Variants in IL9R observed in about 807,000 individuals in gnomAD.
IL9R encodes the protein interleukin-9 receptor.
In IL9R, 54 loss-of-function variants were observed where a neutral mutation model predicts 56.3. The observed-to-expected ratio is 0.96, with a 90% CI of 0.77 to 1.20. The LOEUF is 1.20. Ranked by LOEUF, IL9R falls within the 50% of genes most tolerant of loss-of-function variation. IL9R has a pLI of 0.00. For synonymous variants in IL9R, 212 were observed against 250.2 expected (o/e 0.85, Z 1.44); for missense variants, 545 against 629.8 (o/e 0.87, Z 1.44).
At chrX:156,001,519 C>A in intron 1 of IL9R, 1 of 1,569,030 alleles carries the variant, frequency 6.4e-7, no homozygotes, top group Non-Finnish European at 8.8e-7. Context: ...GTGAGGCTTC[C>A]TGATCATCAG....
chrX:156,006,685 A>T (rs1347265833), intron 7 of IL9R, among the ~76,000 whole-genome samples: 1 of 151,838 alleles, frequency 6.6e-6, no homozygotes, highest in African/African-American at 2.4e-5. Context: ...GTTACAAGAC[A>T]GGGTGCAGGG....
intron 1 of IL9R, chrX:156,001,490 C>G (rs750868989): frequency 1.2e-6 from 2 of 1,608,370 alleles, no homozygotes; most frequent in South Asian, 2.2e-5. Flanking sequence ...CCAGGCTGCA[C>G]GCTCCATTCT....
chrX:156,009,236 CGTGTGGTGTGTGTGTCT>C lies in IL9R; in HGVS notation c.973-574_973-558del, dbSNP rs1268286719. Among the ~76,000 whole-genome samples the C allele has an allele frequency of 8.4e-4, 112 of 133,852 alleles. 3 individuals carry two copies. The highest frequency in any genetic ancestry group is 1.5e-3 in the Non-Finnish European group (97 of 62,896). 87.8% of individuals were successfully genotyped at this position (133,852 alleles called of 152,430 possible). ...GTGTGTTTATGTGTCTGTGTGTGTT[CGTGTGGTGTGTGTGTCT>C]GTGTGTGTGTGTTTGTGTGTGTATG... On this transcript the variant is annotated intron_variant, in intron 8 of 8. Coordinates refer to ENST00000244174, the MANE Select transcript of IL9R (RefSeq NM_002186.3).
At chrX:156,000,479 G>A (rs1171571172) in intron 1 of IL9R, among the ~76,000 whole-genome samples, 1 of 152,198 alleles carries the variant, frequency 6.6e-6, no homozygotes, top group African/African-American at 2.4e-5. Context: ...TGGGCTGAAG[G>A]CTATGTCCAC....
rs747601980 is a variant in IL9R, at chrX:156,003,655, T to A, written c.255-22T>A. 5.0e-6 allele frequency: 8 copies of A among 1,612,228 alleles called. No individual in the cohort carries two copies. In the South Asian group the frequency reaches 8.8e-5, roughly 18 times the overall value. On this transcript the variant is annotated intron_variant, in intron 3 of 8. Transcript: ENST00000244174. ...CCAGGACAGTGTAGCAGCCCCGTGG[T>A]GCTGACAAATGCCCTTTCCAGCAAC...
chrX:156,005,167 CAA>C, intron 5 of IL9R, 109 bp from the exon 6 acceptor site: 1 of 808,722 alleles, frequency 1.2e-6, no homozygotes, highest in Non-Finnish European at 2.1e-6. Context: ...TGTGTTAACA[CAA>C]GTGTGTTCAA....
chrX:156,006,171 G>A lies in IL9R; in HGVS notation c.870G>A (p.Leu290=), dbSNP rs2083627604. 1 of 1,391,716 alleles carries A rather than the reference G, an allele frequency of 7.2e-7. No homozygotes were observed. Among genetic ancestry groups the A allele is most frequent in the Non-Finnish European group, 1.0e-6 (1 of 981,738 alleles). The allele number at this position is 1,391,716 out of a possible 1,614,324, so 86.2% of individuals were successfully genotyped here. Residue 290 remains leucine, a synonymous_variant, in exon 7 of 9, where the codon CTG becomes CTA. Transcript: ENST00000244174. Reference sequence around the variant, plus strand: ...TGCTGACTGGCCCGACCTACCTCCTGTTCAAGCTGTCGCCCAGGTAGGTGG... The same window carrying A: ...TGCTGACTGGCCCGACCTACCTCCTATTCAAGCTGTCGCCCAGGTAGGTGG... ...FLLLTGPTYL[L]FKLSPRVKRI...
intron 1 of IL9R, among the ~76,000 whole-genome samples, chrX:156,001,096 T>G (rs2067490680): frequency 6.6e-6 from 1 of 152,092 alleles, no homozygotes; most frequent in Admixed American, 6.5e-5. Context: ...AGCTCTCAGG[T>G]GTCACATGTG....
At position 156,004,570 on chromosome X, in the gene IL9R, C is replaced by G. The variant is rs377005229; in HGVS notation, c.579+5C>G. On this transcript the variant is annotated splice_donor_5th_base_variant and intron_variant, in intron 5 of 8. Transcript: ENST00000244174. ...AAGCAGGAAGAGGCCTGGGAGGTAACACTTTGGCTGGCTTTCCCTGGGGGC... is the reference window on the plus strand; with the variant it reads ...AAGCAGGAAGAGGCCTGGGAGGTAAGACTTTGGCTGGCTTTCCCTGGGGGC... 44 of 1,612,078 alleles carry G rather than the reference C, an allele frequency of 2.7e-5. No individual in the cohort carries two copies. The African/African-American group carries it at 5.7e-4, about 21-fold the overall frequency.
intron 2 of IL9R, 72 bp from the exon 3 acceptor site, chrX:156,003,377 T>A (rs2067672183): frequency 2.8e-6 from 3 of 1,070,556 alleles, no homozygotes; most frequent in Non-Finnish European, 4.4e-6. Flanking sequence ...AGCTGTCAGA[T>A]CCTCCCCAAC....
In IL9R at chrX:156,009,352, CGT is replaced by C. The variant is rs1278501905; in HGVS notation, c.973-453_973-452del. ...TGTGTGTGTTTGTGTGTGTGTGTCT[CGT>C]GTGTGTGTGTCTGTGTGTATCTGTG... On this transcript the variant is annotated intron_variant, in intron 8 of 8. Coordinates refer to ENST00000244174, the MANE Select transcript of IL9R (RefSeq NM_002186.3). Among the ~76,000 whole-genome samples the C allele has an allele frequency of 7.8e-3, 696 of 89,072 alleles. 1 individual carries two copies. Among genetic ancestry groups the C allele is most frequent in the African/African-American group, 0.028 (606 of 21,512 alleles). The allele number at this position is 89,072 out of a possible 152,430, so 58.4% of individuals were successfully genotyped here.
intron 5 of IL9R, 90 bp from the exon 6 acceptor site, chrX:156,005,188 T>C (rs1224663505): frequency 3.2e-5 from 31 of 978,402 alleles, no homozygotes; most frequent in South Asian, 1.1e-4. Flanking sequence ...AAGAGTGTGT[T>C]ATATGAGCAT....
intron 4 of IL9R, chrX:156,004,108 C>T: frequency 1.7e-6 from 1 of 602,862 alleles, no homozygotes; most frequent in Non-Finnish European, 2.9e-6. Flanking sequence ...GCACTTGAGT[C>T]ATGTGAAATG....
chrX:156,001,437 T>A lies in IL9R; in HGVS notation c.29-1469T>A, dbSNP rs775306024. ...TGCTGCAAGAACGGACAGACACTGC[T>A]GCAGAGAACTTGCCACGGTGTTTCA... On this transcript the variant is annotated intron_variant, in intron 1 of 8. Coordinates refer to ENST00000244174, the MANE Select transcript of IL9R (RefSeq NM_002186.3). 5 of 1,611,132 alleles carry A rather than the reference T, an allele frequency of 3.1e-6. No homozygotes were observed. The South Asian group carries it at 5.5e-5, about 18-fold the overall frequency.
chrX:156,003,950 C>A, intron 4 of IL9R, 95 bp downstream of exon 4: 1 of 1,288,444 alleles, frequency 7.8e-7, no homozygotes, highest in Non-Finnish European at 1.1e-6. Context: ...CTGTGAGTGG[C>A]CCAGTGAGTG....
intron 5 of IL9R, 48 bp from the exon 6 acceptor site, chrX:156,005,230 G>A (rs1356702815): frequency 6.6e-7 from 1 of 1,505,620 alleles, no homozygotes; most frequent in Non-Finnish European, 9.2e-7. Flanking sequence ...GAGGGCTGAG[G>A]GACCCAGCCC....
Position 156,010,314 on chromosome X carries a change from C to T in IL9R, c.1471C>T (p.Leu491=). The change falls in exon 9 of 9, where the codon CTG becomes TTG. Residue 491 remains leucine (L), a synonymous_variant. Transcript: ENST00000244174. ...GACCCAGCAAGGAGTTGCCTGGGTG[C>T]TGGCTGGTCACTGCCAGAGGCCTGG... The part of the protein sequence containing the change: ...LETQQGVAWV[L]AGHCQRPGLH... 4 of 834,040 alleles carry T rather than the reference C, an allele frequency of 4.8e-6. No homozygotes were observed. In the South Asian group the frequency reaches 5.2e-5, roughly 11 times the overall value. The allele number at this position is 834,040 out of a possible 1,614,324, so 51.7% of individuals were successfully genotyped here.
At chrX:156,003,988 G>A (rs2067728933) in intron 4 of IL9R, 133 bp downstream of exon 4, 1 of 961,704 alleles carries the variant, frequency 1.0e-6, no homozygotes, top group Non-Finnish European at 1.6e-6. Flanking sequence ...GTGAGATCCA[G>A]GGCTGGGGGC....
chrX:156,006,687 G>A (rs1043679112), intron 7 of IL9R, among the ~76,000 whole-genome samples: 2 of 152,082 alleles, frequency 1.3e-5, no homozygotes, highest in Admixed American at 1.3e-4. Context: ...TACAAGACAG[G>A]GTGCAGGGGC....
Sources: gnomAD v4.1 joint callset for allele counts (sites outside exome capture counted in the v4.1 genomes callset) on GRCh38, gnomAD v4.1.1 for gene constraint, MANE v1.5 for transcripts, NCBI Gene and HGNC (gene_info 2026-07-23, HGNC 2026-07-21) for gene names.